The following FAM89A variants were observed in gnomAD, a reference collection of about 807,000 sequenced individuals.
FAM89A encodes the protein protein FAM89A.
FAM89A carries 10 observed loss-of-function variants against 7.1 expected under a neutral mutation model. The ratio of observed to expected loss-of-function variants is 1.40; its 90% CI spans 0.86 to 2.38. The LOEUF (loss-of-function observed/expected upper bound fraction) is 2.38. FAM89A is among the 30% of genes most tolerant of loss of function. The pLI is 0.00. For missense variants in FAM89A, 276 were observed against 262.8 expected, an observed-to-expected ratio of 1.05 and a Z score of -0.35; for synonymous variants, 157 against 129.3, an observed-to-expected ratio of 1.21 and a Z score of -1.45.
intron 1 of FAM89A, chr1:231,022,185 G>A: frequency 1.0e-6 from 1 of 996,592 alleles, no homozygotes. Flanking sequence ...CATATATGAA[G>A]TATTCAGAGA....
At chr1:231,024,512 C>T (rs1260052759) in intron 1 of FAM89A, among the ~76,000 whole-genome samples, 3 of 69,294 alleles carry the variant, frequency 4.3e-5, no homozygotes, top group Non-Finnish European at 9.3e-5. Flanking sequence ...TGTTTTATTA[C>T]ATTGCATGCA....
intron 1 of FAM89A, 104 bp downstream of exon 1, chr1:231,039,817 G>C: frequency 8.7e-7 from 1 of 1,146,474 alleles, no homozygotes; most frequent in African/African-American, 1.6e-5. Flanking sequence ...AGCCCGAAAG[G>C]GCGGGTGGGC....
rs980772507 is a variant in FAM89A, at chr1:231,040,163, G to A, written c.49C>T (p.Arg17Trp). The change falls in exon 1 of 2, where the codon CGG becomes TGG. Residue 17 changes from arginine to tryptophan, a missense_variant. Physicochemically the swap from Arg to Trp is moderately radical, Grantham distance 101. Coordinates refer to ENST00000366654, the MANE Select transcript of FAM89A (RefSeq NM_198552.3). ...APGAAGNGAV[R>W]GLRVDGLPPL... ...GGCAGCCCGTCCACCCGCAGCCCCC[G>A]GACCGCGCCGTTGCCCGCGGCCCCG... 2.5e-6 allele frequency: 3 copies of A among 1,203,588 alleles called. No homozygotes were observed. Among genetic ancestry groups the A allele is most frequent in the African/African-American group, 1.6e-5 (1 of 61,950 alleles). The allele number at this position is 1,203,588 out of a possible 1,614,324, so 74.6% of individuals were successfully genotyped here.
intron 1 of FAM89A, among the ~76,000 whole-genome samples, chr1:231,035,828 T>C (rs1010141424): frequency 1.3e-5 from 2 of 152,218 alleles, no homozygotes; most frequent in Non-Finnish European, 2.9e-5. Flanking sequence ...CCTTGCTCCA[T>C]TTTTGCAAAC....
At chr1:231,030,425 G>A (rs1047073831) in intron 1 of FAM89A, among the ~76,000 whole-genome samples, 2 of 152,330 alleles carry the variant, frequency 1.3e-5, no homozygotes, top group African/African-American at 4.8e-5. Context: ...CACTGACACA[G>A]AGACTGTTCT....
chr1:231,025,875 T>C (rs1421294948), intron 1 of FAM89A: 1 of 152,378 alleles, frequency 6.6e-6, no homozygotes, highest in Admixed American at 6.6e-5. Flanking sequence ...ACCAGTGATC[T>C]TGACACAAAT....
chr1:231,021,505 T>A (rs1465549538), intron 1 of FAM89A: 8 of 667,638 alleles, frequency 1.2e-5, no homozygotes, highest in Non-Finnish European at 1.8e-5. Context: ...GCAAGCCAGA[T>A]GATTAACCAG....
At chr1:231,030,591 A>T (rs1680050160) in intron 1 of FAM89A, among the ~76,000 whole-genome samples, 1 of 152,054 alleles carries the variant, frequency 6.6e-6, no homozygotes, top group South Asian at 2.1e-4. Flanking sequence ...ACATTCTTTT[A>T]TTTTTTTTCT....
intron 1 of FAM89A, among the ~76,000 whole-genome samples, chr1:231,020,488 CCAAT>C (rs1325654955): frequency 6.6e-6 from 1 of 152,146 alleles, no homozygotes; most frequent in African/African-American, 2.4e-5. Context: ...ACTTCCTCTC[CCAAT>C]CAGACTCGGA....
chr1:231,022,576 A>T (rs1315962801), intron 1 of FAM89A, among the ~76,000 whole-genome samples: 1 of 152,242 alleles, frequency 6.6e-6, no homozygotes, highest in South Asian at 2.1e-4. Flanking sequence ...CCTGCCACAC[A>T]TTGACCAAGC....
chr1:231,033,688 A>T (rs1452362786), intron 1 of FAM89A, among the ~76,000 whole-genome samples: 1 of 152,244 alleles, frequency 6.6e-6, no homozygotes, highest in Non-Finnish European at 1.5e-5. Context: ...TTTAAACAAA[A>T]GGGAAAAAAA....
At chr1:231,038,607 T>C (rs1005766181) in intron 1 of FAM89A, among the ~76,000 whole-genome samples, 2 of 152,262 alleles carry the variant, frequency 1.3e-5, no homozygotes, top group African/African-American at 4.8e-5. Context: ...TTAAAAACGG[T>C]TGGCTTGGAA....
At position 231,019,548 on chromosome 1, in the gene FAM89A, C is replaced by A; in HGVS notation, c.*315G>T. Reference sequence around the variant, plus strand: ...CTACAAGCCACCTCACACAAAACACCCACTAAGGCCTTTCACCGAGATCCT... The same window carrying A: ...CTACAAGCCACCTCACACAAAACACACACTAAGGCCTTTCACCGAGATCCT... On this transcript the variant is annotated 3_prime_UTR_variant, in exon 2 of 2. Transcript: ENST00000366654. The A allele has an allele frequency of 3.6e-6, 1 of 277,600 alleles. No individual in the cohort carries two copies. Among genetic ancestry groups the A allele is most frequent in the Admixed American group, 4.9e-5 (1 of 20,592 alleles). The allele number at this position is 277,600 out of a possible 1,614,324, so 17.2% of individuals were successfully genotyped here.
At position 231,039,952 on chromosome 1, in the gene FAM89A, TC is replaced by T; in HGVS notation, c.259del (p.Asp87ThrfsTer139). 7.4e-7 allele frequency: 1 copy of T among 1,358,202 alleles called. No individual in the cohort carries two copies. 84.1% of individuals were successfully genotyped at this position (1,358,202 alleles called of 1,614,324 possible). A position where few individuals can be genotyped will look rare whatever the true frequency, so the allele number is the denominator to read the frequency against. On this transcript the variant is annotated frameshift_variant, in exon 1 of 2. Coordinates refer to ENST00000366654, the MANE Select transcript of FAM89A (RefSeq NM_198552.3). LOFTEE classifies it low-confidence loss of function (END_TRUNC). ...AALPAKPPNL[D>X]AALALLRKEM... Reference sequence around the variant, plus strand: ...TTTGCGGAGCAGCGCCAGAGCGGCGTCCAGGTTGGGAGGCTTGGCGGGCAGC... The same window carrying T: ...TTTGCGGAGCAGCGCCAGAGCGGCGTCAGGTTGGGAGGCTTGGCGGGCAGC...
chr1:231,034,800 GA>G lies in FAM89A; in HGVS notation c.291+5120del, dbSNP rs1357999874. 5.0e-5 allele frequency among the ~76,000 whole-genome samples: 7 copies of G among 141,322 alleles called. No individual in the cohort carries two copies. In the East Asian group the frequency reaches 1.2e-3, roughly 25 times the overall value. 92.7% of individuals were successfully genotyped at this position (141,322 alleles called of 152,430 possible). ...AAAAAAAAAAAAAAAAAAAAAGGCA[GA>G]TTCCTTCTCCCAGCTACTGATTCCA... On this transcript the variant is annotated intron_variant, in intron 1 of 1. Coordinates refer to ENST00000366654, the MANE Select transcript of FAM89A (RefSeq NM_198552.3).
rs184299084 is a variant in FAM89A at position 231,021,151 on chromosome 1, T to C, written c.292-1025A>G. ...TGCTGCTGTTCCACAGACCCTGCTC[T>C]GAATGGCAACGGGAAGAAACTCAAG... On this transcript the variant is annotated intron_variant, in intron 1 of 1. Coordinates refer to ENST00000366654, the MANE Select transcript of FAM89A (RefSeq NM_198552.3). Among the ~76,000 whole-genome samples, 675 of 152,370 alleles carry C rather than the reference T, an allele frequency of 4.4e-3. 2 individuals are homozygous for C. Among genetic ancestry groups the C allele is most frequent in the African/African-American group, 0.015 (626 of 41,596 alleles).
At chr1:231,021,678 C>G in intron 1 of FAM89A, 1 of 1,578,336 alleles carries the variant, frequency 6.3e-7, no homozygotes, top group East Asian at 2.2e-5. Flanking sequence ...ACACGGGAAG[C>G]AACCTCCACC....
chr1:231,033,772 T>C (rs1680113687), intron 1 of FAM89A, among the ~76,000 whole-genome samples: 2 of 152,188 alleles, frequency 1.3e-5, no homozygotes, highest in Non-Finnish European at 2.9e-5. Flanking sequence ...GGTACAGTAA[T>C]AGAGCAAAGT....
intron 1 of FAM89A, among the ~76,000 whole-genome samples, chr1:231,036,084 G>T (rs1196501810): frequency 6.6e-6 from 1 of 152,162 alleles, no homozygotes; most frequent in African/African-American, 2.4e-5. Flanking sequence ...AGAGGAGGAG[G>T]GGAAGAGAAT....
Sources: gnomAD v4.1 joint callset for allele counts (sites outside exome capture counted in the v4.1 genomes callset) on GRCh38, gnomAD v4.1.1 for gene constraint, MANE v1.5 for transcripts, NCBI Gene and HGNC (gene_info 2026-07-23, HGNC 2026-07-21) for gene names.